GREB1L: variants seen among roughly 807,000 people sequenced by gnomAD.
GREB1L encodes GREB1-like protein.
GREB1L carries 17 observed loss-of-function variants against 200.8 expected under a neutral mutation model. The observed-to-expected ratio is 0.08, with a 90% CI of 0.06 to 0.13. The LOEUF is 0.13. Ranked by LOEUF, GREB1L falls within the 10% of genes least tolerant of loss-of-function variation. The pLI is 1.00. For missense variants in GREB1L, 1,657 were observed against 2,367.7 expected, an observed-to-expected ratio of 0.70 and a Z score of 6.23; for synonymous variants, 789 against 893.0, an observed-to-expected ratio of 0.88 and a Z score of 2.08.
rs906592534 is a variant in GREB1L, at chr18:21,477,193, A to G, written c.2393A>G (p.Glu798Gly). The change falls in exon 17 of 33, where the codon GAA (glutamate) becomes GGA (glycine). Residue 798 changes from glutamate to glycine, a missense_variant. Glu to Gly is a moderately conservative substitution (Grantham distance 98). Transcript: ENST00000424526. ...ATTTCAGGCTCTTTGTCACATAGCG[A>G]ACCCAGTCATGGGCTAGCTGATAGA... ...SVISGSLSHS[E>G]PSHGLADRVI... 2 of 1,551,828 alleles carry G rather than the reference A, an allele frequency of 1.3e-6. No homozygotes were observed. The highest frequency in any genetic ancestry group is 2.7e-5 in the African/African-American group (2 of 73,062).
intron 1 of GREB1L, among the ~76,000 whole-genome samples, chr18:21,253,827 G>A (rs1270760705): frequency 7.8e-6 from 1 of 127,694 alleles, no homozygotes; most frequent in East Asian, 2.1e-4. Context: ...TGACTTCCAG[G>A]CTTTTTTTTT....
chr18:21,364,708 C>G (rs139433271), intron 1 of GREB1L, among the ~76,000 whole-genome samples: 46 of 152,044 alleles, frequency 3.0e-4, no homozygotes, highest in African/African-American at 1.9e-4. Flanking sequence ...GGCCCAGGGC[C>G]AAAGGTCTTA....
At chr18:21,401,047 C>A in intron 5 of GREB1L, 103 bp from the exon 6 acceptor site, 1 of 900,362 alleles carries the variant, frequency 1.1e-6, no homozygotes, top group Non-Finnish European at 1.7e-6. Context: ...GAGATTGAGA[C>A]ATTTTTGGGT....
At chr18:21,315,729 T>C (rs2038857158) in intron 1 of GREB1L, among the ~76,000 whole-genome samples, 1 of 152,086 alleles carries the variant, frequency 6.6e-6, no homozygotes, top group African/African-American at 2.4e-5. Context: ...AAAGTACGTT[T>C]CATCCTTCTG....
intron 7 of GREB1L, among the ~76,000 whole-genome samples, chr18:21,409,820 G>T (rs888035070): frequency 6.6e-6 from 1 of 152,002 alleles, no homozygotes; most frequent in Non-Finnish European, 1.5e-5. Context: ...AATTAACAAC[G>T]CCTGTTTTGC....
At chr18:21,439,284 T>C (rs1052111452) in intron 7 of GREB1L, among the ~76,000 whole-genome samples, 15 of 152,358 alleles carry the variant, frequency 9.8e-5, no homozygotes, top group African/African-American at 3.6e-4. Context: ...AAGACTTCAC[T>C]GAAACTGATT....
intron 28 of GREB1L, among the ~76,000 whole-genome samples, chr18:21,514,522 C>G (rs1568077097): frequency 6.6e-6 from 1 of 152,172 alleles, no homozygotes; most frequent in East Asian, 1.9e-4. Context: ...CTCAAAAAAA[C>G]AAAAATAAAG....
intron 4 of GREB1L, among the ~76,000 whole-genome samples, chr18:21,384,901 A>C (rs2040475912): frequency 6.6e-6 from 1 of 151,418 alleles, no homozygotes; most frequent in African/African-American, 2.4e-5. Flanking sequence ...TATACATATT[A>C]TAAATGTAAA....
rs117414741 is a variant in GREB1L, at chr18:21,365,448, T to C, written c.-119-579T>C. On this transcript the variant is annotated intron_variant, in intron 1 of 32. Transcript: ENST00000424526. ...GCATACTATACTTTTCAACCAATTA[T>C]ATGCAATTATAATTATTTAGTTTAA... 1.6e-3 allele frequency among the ~76,000 whole-genome samples: 237 copies of C among 152,302 alleles called. 1 individual carries two copies. Among genetic ancestry groups the C allele is most frequent in the Admixed American group, 6.5e-3 (99 of 15,300 alleles).
At chr18:21,489,867 C>T in intron 18 of GREB1L, 145 bp from the exon 19 acceptor site, 1 of 634,582 alleles carries the variant, frequency 1.6e-6, no homozygotes, top group East Asian at 2.7e-5. Flanking sequence ...GATGTAGGAT[C>T]CCAGGTCATT....
rs2037629199 is a variant in GREB1L, at chr18:21,522,955, GA to G, written c.*136del. 1 of 785,524 alleles carries G rather than the reference GA, an allele frequency of 1.3e-6. No homozygotes were observed. The highest frequency in any genetic ancestry group is 3.1e-5 in the Admixed American group (1 of 32,168). The allele number at this position is 785,524 out of a possible 1,614,324, so 48.7% of individuals were successfully genotyped here. A position where few individuals can be genotyped will look rare whatever the true frequency, so the allele number is the denominator to read the frequency against. ...AACATATTTGTCTAAATTCTCCAAA[GA>G]ACTCCCCAAATCTGATCCAGGTCTT... On this transcript the variant is annotated 3_prime_UTR_variant, in exon 33 of 33. Coordinates refer to ENST00000424526, the MANE Select transcript of GREB1L (RefSeq NM_001142966.3).
chr18:21,414,876 T>G (rs58107145), intron 7 of GREB1L, among the ~76,000 whole-genome samples: 2 of 152,066 alleles, frequency 1.3e-5, no homozygotes, highest in African/African-American at 4.8e-5. Context: ...AAAAATACAT[T>G]AAAAAAATTT....
At chr18:21,514,982 G>A (rs2037367378) in intron 28 of GREB1L, among the ~76,000 whole-genome samples, 1 of 152,194 alleles carries the variant, frequency 6.6e-6, no homozygotes, top group South Asian at 2.1e-4. Context: ...CACTGTGCCA[G>A]CTGACCTTTA....
At chr18:21,283,806 G>A (rs751919297) in intron 1 of GREB1L, among the ~76,000 whole-genome samples, 4 of 152,226 alleles carry the variant, frequency 2.6e-5, no homozygotes, top group Non-Finnish European at 4.4e-5. Context: ...CTTGTTCAAT[G>A]GACAAGTTAG....
chr18:21,252,347 C>T lies in GREB1L; in HGVS notation c.-120+9954C>T, dbSNP rs141891292. ...CTGAGGTGGATGGATCACCTGAGGT[C>T]GGGAGTTCGAGACCAGCCTAACCAA... On this transcript the variant is annotated intron_variant, in intron 1 of 32. Transcript: ENST00000424526. Among the ~76,000 whole-genome samples the T allele has an allele frequency of 2.7e-3, 406 of 151,926 alleles. 7 individuals carry two copies. In the East Asian group the frequency reaches 0.061, roughly 23 times the overall value.
intron 17 of GREB1L, among the ~76,000 whole-genome samples, chr18:21,477,839 T>C (rs984227882): frequency 1.3e-5 from 2 of 151,940 alleles, no homozygotes; most frequent in African/African-American, 4.8e-5. Context: ...AAAAGTTCCA[T>C]ATATTTTAAC....
At chr18:21,340,945 G>C (rs954933784) in intron 1 of GREB1L, among the ~76,000 whole-genome samples, 1 of 152,214 alleles carries the variant, frequency 6.6e-6, no homozygotes, top group African/African-American at 2.4e-5. Flanking sequence ...GTTAACATTT[G>C]TTGCATACCT....
intron 1 of GREB1L, among the ~76,000 whole-genome samples, chr18:21,334,591 C>T (rs1161271470): frequency 6.6e-6 from 1 of 152,058 alleles, no homozygotes; most frequent in Non-Finnish European, 1.5e-5. Context: ...CAGTGAAACC[C>T]CGTCTCTACT....
At position 21,522,816 on chromosome 18, in the gene GREB1L, G is replaced by A; in HGVS notation, c.5767G>A (p.Val1923Ile). 1 of 1,550,428 alleles carries A rather than the reference G, an allele frequency of 6.4e-7. No individual in the cohort carries two copies. The highest frequency in any genetic ancestry group is 8.7e-7 in the Non-Finnish European group (1 of 1,146,418). The change falls in exon 33 of 33, where the codon GTA becomes ATA. Residue 1923 changes from valine (V) to isoleucine (I), a missense_variant. By Grantham distance (29) the Val-to-Ile change is conservative (BLOSUM62 3). Transcript: ENST00000424526. ...KPLYFLTGRHV is the reference protein window; with the variant it reads ...KPLYFLTGRHI Reference sequence around the variant, plus strand: ...TCTCTACTTTCTTACTGGACGTCATGTATGAGCTTTTGAAGAGACCAAAAC... The same window carrying A: ...TCTCTACTTTCTTACTGGACGTCATATATGAGCTTTTGAAGAGACCAAAAC...
Sources: gnomAD v4.1 joint callset for allele counts (sites outside exome capture counted in the v4.1 genomes callset) on GRCh38, gnomAD v4.1.1 for gene constraint, MANE v1.5 for transcripts, NCBI Gene and HGNC (gene_info 2026-07-23, HGNC 2026-07-21) for gene names.